Variants in CCDC178 observed in about 807,000 individuals in gnomAD.
The protein encoded by CCDC178 is coiled-coil domain-containing protein 178.
A neutral mutation model predicts 117.4 loss-of-function variants in CCDC178; 126 were observed. That is an observed-to-expected ratio of 1.07 (90% confidence interval 0.93 to 1.24). The LOEUF (loss-of-function observed/expected upper bound fraction) is 1.24, where lower values mean the gene tolerates loss of function less well. CCDC178 is among the 50% of genes most tolerant of loss of function. CCDC178 has a pLI of 0.00. For synonymous variants in CCDC178, 283 were observed against 313.4 expected, an observed-to-expected ratio of 0.90 and a Z score of 1.02; for missense variants, 1,030 against 986.9, an observed-to-expected ratio of 1.04 and a Z score of -0.59.
chr18:33,266,385 A>G (rs1374800396), intron 14 of CCDC178, among the ~76,000 whole-genome samples: 1 of 151,828 alleles, frequency 6.6e-6, no homozygotes. Context: ...GGTTTCAGAC[A>G]TTCACTATGG....
chr18:33,318,715 A>G (rs2062456641), intron 11 of CCDC178, among the ~76,000 whole-genome samples: 1 of 152,138 alleles, frequency 6.6e-6, no homozygotes, highest in Non-Finnish European at 1.5e-5. Context: ...AACACCTAGA[A>G]TATCTTGAAA....
Position 33,245,244 on chromosome 18 carries a change from C to T in CCDC178, c.1593+1G>A. ...GTAAGAGGAACACAAAGATACACAA[C>T]CTTGAACTTTCTTCTCACTTCTGCT... On this transcript the variant is annotated splice_donor_variant, in intron 15 of 22. Coordinates refer to ENST00000383096, the MANE Select transcript of CCDC178 (RefSeq NM_001105528.4). LOFTEE classifies it high-confidence loss of function. 6.3e-7 allele frequency: 1 copy of T among 1,577,466 alleles called. No homozygotes were observed. Among genetic ancestry groups the T allele is most frequent in the Non-Finnish European group, 8.6e-7 (1 of 1,165,440 alleles).
At chr18:33,253,736 G>A (rs111609216) in intron 14 of CCDC178, among the ~76,000 whole-genome samples, 17 of 151,824 alleles carry the variant, frequency 1.1e-4, no homozygotes, top group Admixed American at 5.3e-4. Context: ...CTTACCTAAC[G>A]GAAGAGAAGA....
At chr18:33,086,529 A>G (rs1336554939) in intron 21 of CCDC178, among the ~76,000 whole-genome samples, 1 of 151,892 alleles carries the variant, frequency 6.6e-6, no homozygotes, top group Non-Finnish European at 1.5e-5. Context: ...GTCAATCAGT[A>G]GTAAATAGTT....
chr18:33,362,601 A>AT, intron 6 of CCDC178, among the ~76,000 whole-genome samples: 1 of 151,974 alleles, frequency 6.6e-6, no homozygotes, highest in Admixed American at 6.6e-5. Flanking sequence ...TGAGACTAAC[A>AT]TAGATATGTT....
At chr18:33,319,358 A>G (rs1170295331) in intron 11 of CCDC178, among the ~76,000 whole-genome samples, 2 of 151,992 alleles carry the variant, frequency 1.3e-5, no homozygotes, top group Non-Finnish European at 2.9e-5. Flanking sequence ...ATGTCCCTAC[A>G]AAGGACATGA....
intron 2 of CCDC178, among the ~76,000 whole-genome samples, chr18:33,420,757 C>A (rs2064013576): frequency 6.6e-6 from 1 of 151,774 alleles, no homozygotes. Flanking sequence ...ATATGACAAA[C>A]CTGCACATGT....
intron 4 of CCDC178, 124 bp downstream of exon 4, chr18:33,397,025 T>C: frequency 1.5e-6 from 1 of 647,912 alleles, no homozygotes; most frequent in Non-Finnish European, 2.7e-6. Context: ...TTCTCATTGA[T>C]AGAACATCAA....
chr18:33,178,657 C>T (rs576722565), intron 20 of CCDC178, among the ~76,000 whole-genome samples: 1 of 152,058 alleles, frequency 6.6e-6, no homozygotes, highest in Non-Finnish European at 1.5e-5. Flanking sequence ...TTTGGCTGAC[C>T]TGGTCTATTC....
At chr18:33,143,119 A>G (rs1183100170) in intron 20 of CCDC178, among the ~76,000 whole-genome samples, 2 of 152,176 alleles carry the variant, frequency 1.3e-5, no homozygotes, top group Non-Finnish European at 2.9e-5. Flanking sequence ...TCAGAGAGGG[A>G]TATAGAAAAC....
intron 5 of CCDC178, among the ~76,000 whole-genome samples, chr18:33,370,943 T>C (rs1353455135): frequency 6.6e-6 from 1 of 152,010 alleles, no homozygotes; most frequent in African/African-American, 2.4e-5. Context: ...CTCTAAGGAC[T>C]CTATTGGGCT....
chr18:33,346,998 C>A (rs186960440), intron 8 of CCDC178, among the ~76,000 whole-genome samples: 1 of 151,978 alleles, frequency 6.6e-6, no homozygotes, highest in Non-Finnish European at 1.5e-5. Context: ...TGGAATGATG[C>A]GGCTTAATGT....
intron 20 of CCDC178, among the ~76,000 whole-genome samples, chr18:33,097,789 C>A (rs2057565024): frequency 6.6e-6 from 1 of 152,040 alleles, no homozygotes; most frequent in Non-Finnish European, 1.5e-5. Context: ...GTTAACACAG[C>A]ATTTTGACAT....
chr18:33,177,364 A>C (rs1327801137), intron 20 of CCDC178, among the ~76,000 whole-genome samples: 2 of 152,246 alleles, frequency 1.3e-5, no homozygotes, highest in East Asian at 1.9e-4. Context: ...AAGTAAAATA[A>C]AATAAAATAA....
At chr18:33,117,048 A>T (rs1425911946) in intron 20 of CCDC178, among the ~76,000 whole-genome samples, 3 of 152,102 alleles carry the variant, frequency 2.0e-5, no homozygotes, top group South Asian at 2.1e-4. Context: ...TGTGGTTAAT[A>T]GTTTGGCTGG....
chr18:33,214,948 A>G (rs112874972), intron 19 of CCDC178, among the ~76,000 whole-genome samples: 41 of 152,036 alleles, frequency 2.7e-4, no homozygotes, highest in African/African-American at 9.4e-4. Context: ...CCAGTTCTCA[A>G]TGTTTTACAA....
At position 33,250,751 on chromosome 18, in the gene CCDC178, T is replaced by C. The variant is rs190217575; in HGVS notation, c.1410-5323A>G. ...GTAGCAGGTGTATATAGCAAAACTA[T>C]ACCCGAAAAATTTCAGTACCAAAAC... On this transcript the variant is annotated intron_variant, in intron 14 of 22. Coordinates refer to ENST00000383096, the MANE Select transcript of CCDC178 (RefSeq NM_001105528.4). 2.0e-5 allele frequency among the ~76,000 whole-genome samples: 3 copies of C among 151,684 alleles called. No homozygotes were observed. The East Asian group carries it at 5.8e-4, about 30-fold the overall frequency.
At chr18:33,424,564 G>A (rs2064088101) in intron 2 of CCDC178, among the ~76,000 whole-genome samples, 2 of 152,210 alleles carry the variant, frequency 1.3e-5, no homozygotes, top group Admixed American at 1.3e-4. Context: ...CTGACGCTGT[G>A]CATAGGGCTT....
At chr18:33,421,516 T>A (rs926275386) in intron 2 of CCDC178, among the ~76,000 whole-genome samples, 2 of 152,212 alleles carry the variant, frequency 1.3e-5, no homozygotes, top group African/African-American at 4.8e-5. Flanking sequence ...TGAATAGATT[T>A]ATAACACAGA....
Sources: gnomAD v4.1 joint callset for allele counts (sites outside exome capture counted in the v4.1 genomes callset) on GRCh38, gnomAD v4.1.1 for gene constraint, MANE v1.5 for transcripts, NCBI Gene and HGNC (gene_info 2026-07-23, HGNC 2026-07-21) for gene names.